EGLN1: variants seen among roughly 807,000 people sequenced by gnomAD.
EGLN1 encodes egl nine homolog 1.
In EGLN1, 17 loss-of-function variants were observed where a neutral mutation model predicts 38.3. The observed-to-expected ratio is 0.44, with a 90% CI of 0.30 to 0.67. The LOEUF (loss-of-function observed/expected upper bound fraction) is 0.67. Among genes scored for constraint, EGLN1 ranks in the 30% least tolerant of loss-of-function variants. The pLI is 0.08. For synonymous variants in EGLN1, 283 were observed against 257.5 expected (o/e 1.10, Z -0.95); for missense variants, 477 against 603.3 (o/e 0.79, Z 2.19).
chr1:231,387,386 G>A (rs1299633331), intron 1 of EGLN1, among the ~76,000 whole-genome samples: 4 of 142,410 alleles, frequency 2.8e-5, no homozygotes, highest in Admixed American at 7.2e-5. Context: ...TTGTGACGGC[G>A]TCTCGCTCTG....
At chr1:231,387,658 C>A (rs1253727736) in intron 1 of EGLN1, among the ~76,000 whole-genome samples, 1 of 152,114 alleles carries the variant, frequency 6.6e-6, no homozygotes, top group Non-Finnish European at 1.5e-5. Context: ...CACACCCGGC[C>A]GCAACTTATT....
chr1:231,401,212 A>G (rs1380751413), intron 1 of EGLN1, among the ~76,000 whole-genome samples: 1 of 152,190 alleles, frequency 6.6e-6, no homozygotes, highest in East Asian at 1.9e-4. Context: ...ATCCTGGTTT[A>G]CCTAACTTTC....
At chr1:231,396,692 G>A (rs955103233) in intron 1 of EGLN1, among the ~76,000 whole-genome samples, 2 of 152,124 alleles carry the variant, frequency 1.3e-5, no homozygotes, top group Admixed American at 1.3e-4. Flanking sequence ...ATTTCCATCT[G>A]GATGTCCACA....
At chr1:231,374,698 G>A (rs1476082013) in intron 1 of EGLN1, among the ~76,000 whole-genome samples, 1 of 151,938 alleles carries the variant, frequency 6.6e-6, no homozygotes, top group African/African-American at 2.4e-5. Context: ...TGTATTTTTT[G>A]TAGATATGGT....
chr1:231,374,155 C>G (rs1687897425), intron 1 of EGLN1, 56 bp from the exon 2 acceptor site: 12 of 1,526,692 alleles, frequency 7.9e-6, no homozygotes, highest in Non-Finnish European at 1.0e-5. Flanking sequence ...AAAGAGAGAA[C>G]AGCTAATAAA....
At chr1:231,388,085 G>A (rs1294198902) in intron 1 of EGLN1, among the ~76,000 whole-genome samples, 1 of 152,180 alleles carries the variant, frequency 6.6e-6, no homozygotes, top group African/African-American at 2.4e-5. Flanking sequence ...GTTGACAAAA[G>A]AGGAAGTTTA....
chr1:231,403,518 C>T (rs1257111213), intron 1 of EGLN1, among the ~76,000 whole-genome samples: 1 of 151,976 alleles, frequency 6.6e-6, no homozygotes. Flanking sequence ...TGCTTGCTAT[C>T]CCAGAACTTT....
intron 1 of EGLN1, among the ~76,000 whole-genome samples, chr1:231,406,997 A>G (rs1223950487): frequency 1.3e-5 from 2 of 152,216 alleles, no homozygotes; most frequent in African/African-American, 4.8e-5. Flanking sequence ...CTCTTTGCAC[A>G]TAAATCATCT....
chr1:231,367,588 A>C lies in EGLN1; in HGVS notation c.1197T>G (p.Ala399=). The part of the protein sequence containing the change: ...WYFDADERAR[A]KVKYLTGEKG... Reference sequence around the variant, plus strand: ...GTTTACCTGTTAGATATTTTACTTTAGCTCGTGCTCTCTCATCTGCATCAA... The same window carrying C: ...GTTTACCTGTTAGATATTTTACTTTCGCTCGTGCTCTCTCATCTGCATCAA... Residue 399 remains alanine (A), a synonymous_variant, in exon 4 of 5, where the codon GCT becomes GCG. Transcript: ENST00000366641. 1.9e-6 allele frequency: 3 copies of C among 1,614,084 alleles called. No individual in the cohort carries two copies. The highest frequency in any genetic ancestry group is 2.2e-5 in the South Asian group (2 of 91,078).
At chr1:231,412,686 AG>A (rs1688984184) in intron 1 of EGLN1, among the ~76,000 whole-genome samples, 2 of 152,238 alleles carry the variant, frequency 1.3e-5, no homozygotes. Context: ...GAAGGTCAAC[AG>A]TAGTAGTAGC....
chr1:231,391,092 T>TTTTTTGTGTG lies in EGLN1; in HGVS notation c.892-16994_892-16993insCACACAAAAA, dbSNP rs1553353098. 1.6e-4 allele frequency among the ~76,000 whole-genome samples: 11 copies of TTTTTTGTGTG among 67,364 alleles called. 1 individual carries two copies. The highest frequency in any genetic ancestry group is 4.7e-4 in the African/African-American group (10 of 21,060). 44.2% of individuals were successfully genotyped at this position (67,364 alleles called of 152,430 possible). ...ACAGGGAACTCATTCTGTTTTTTTTTTGTGTGTGTGTGTGTGTGTGTGTGT... is the reference window on the plus strand; with the variant it reads ...ACAGGGAACTCATTCTGTTTTTTTTTTTTTTGTGTGTGTGTGTGTGTGTGTGTGTGTGTGT... On this transcript the variant is annotated intron_variant, in intron 1 of 4. Coordinates refer to ENST00000366641, the MANE Select transcript of EGLN1 (RefSeq NM_022051.3).
At chr1:231,410,744 G>GA (rs1240761918) in intron 1 of EGLN1, among the ~76,000 whole-genome samples, 3 of 150,630 alleles carry the variant, frequency 2.0e-5, no homozygotes, top group Non-Finnish European at 4.4e-5. Context: ...AAAAATATAA[G>GA]AAAAAACAAC....
At chr1:231,380,461 T>C (rs74143820) in intron 1 of EGLN1, among the ~76,000 whole-genome samples, 1,794 of 102,128 alleles carry the variant, frequency 0.018, 32 homozygotes, top group African/African-American at 0.045. Context: ...GTGTAAATGA[T>C]AGGTATATAT....
At chr1:231,372,000 C>T (rs926366082) in intron 2 of EGLN1, among the ~76,000 whole-genome samples, 3 of 152,190 alleles carry the variant, frequency 2.0e-5, no homozygotes, top group African/African-American at 7.2e-5. Flanking sequence ...GGCTACTATG[C>T]AAACATCTAA....
At chr1:231,411,720 C>T (rs1408124433) in intron 1 of EGLN1, among the ~76,000 whole-genome samples, 2 of 151,978 alleles carry the variant, frequency 1.3e-5, no homozygotes, top group East Asian at 1.9e-4. Context: ...GATAGTAGGC[C>T]GGGCACAGTG....
At chr1:231,407,662 A>G (rs910026515) in intron 1 of EGLN1, among the ~76,000 whole-genome samples, 2 of 152,138 alleles carry the variant, frequency 1.3e-5, no homozygotes, top group Admixed American at 1.3e-4. Flanking sequence ...GGCCCTCTCC[A>G]TTAGATTCAT....
At chr1:231,391,132 G>T (rs112286454) in intron 1 of EGLN1, among the ~76,000 whole-genome samples, 1 of 151,350 alleles carries the variant, frequency 6.6e-6, no homozygotes, top group Non-Finnish European at 1.5e-5. Context: ...GTGTGTGTGT[G>T]TGAGACAGGG....
Position 231,366,419 on chromosome 1 carries a change from C to T in EGLN1, c.1273G>A (p.Val425Ile), listed in dbSNP as rs1472408827. The part of the protein sequence containing the change: ...NKPSDSVGKD[V>I]F The stretch of plus-strand genomic sequence containing the variant: ...TTGCTGGATCAAAGGCTCTAGAAGA[C>T]GTCTTTACCGACCGAATCTGAAGGT... The change falls in exon 5 of 5, where the codon GTC (valine) becomes ATC (isoleucine). Residue 425 changes from valine (V) to isoleucine (I), a missense_variant. Val to Ile is a conservative substitution (Grantham distance 29). Coordinates refer to ENST00000366641, the MANE Select transcript of EGLN1 (RefSeq NM_022051.3). The T allele has an allele frequency of 1.2e-5, 20 of 1,613,750 alleles. No homozygotes were observed. The highest frequency in any genetic ancestry group is 4.0e-5 in the African/African-American group (3 of 74,840).
intron 1 of EGLN1, among the ~76,000 whole-genome samples, chr1:231,390,101 G>A (rs996269704): frequency 4.6e-5 from 7 of 152,198 alleles, no homozygotes; most frequent in Admixed American, 2.0e-4. Context: ...ACCCTTGTCT[G>A]TTAAGTGAAA....
Sources: gnomAD v4.1 joint callset for allele counts (sites outside exome capture counted in the v4.1 genomes callset) on GRCh38, gnomAD v4.1.1 for gene constraint, MANE v1.5 for transcripts, NCBI Gene and HGNC (gene_info 2026-07-23, HGNC 2026-07-21) for gene names.